The following RNF212B variants were observed in gnomAD, a reference collection of about 807,000 sequenced individuals.
RNF212B encodes ring finger protein 212B, also known as E3 ubiquitin-protein ligase RNF212B.
In RNF212B, 52 loss-of-function variants were observed where a neutral mutation model predicts 55.5. The ratio of observed to expected loss-of-function variants is 0.94; its 90% confidence interval spans 0.75 to 1.18. RNF212B has a LOEUF of 1.18. RNF212B is among the 50% of genes most tolerant of loss of function. RNF212B has a pLI of 0.00. For synonymous variants in RNF212B, 99 were observed against 121.4 expected, an observed-to-expected ratio of 0.82 and a Z score of 1.21; for missense variants, 289 against 350.4, an observed-to-expected ratio of 0.82 and a Z score of 1.40.
intron 1 of RNF212B, chr14:23,185,609 G>T (rs1877511943): frequency 6.6e-6 from 1 of 151,986 alleles, no homozygotes; most frequent in Admixed American, 6.6e-5. Context: ...AACTGATAAC[G>T]ATATGGTAAG....
At chr14:23,237,045 C>A (rs1161686744), upstream of RNF212B, among the ~76,000 whole-genome samples, 1 of 149,794 alleles carries the variant, frequency 6.7e-6, no homozygotes, top group South Asian at 2.1e-4. Flanking sequence ...CTAACTGCAG[C>A]CTCGACCCCG....
chr14:23,234,359 A>G (rs1882950465), upstream of RNF212B, among the ~76,000 whole-genome samples: 1 of 151,770 alleles, frequency 6.6e-6, no homozygotes, highest in Admixed American at 6.6e-5. Context: ...CAAATTTGTC[A>G]ATATTTTCTC....
chr14:23,235,312 T>C (rs1883023456), upstream of RNF212B, among the ~76,000 whole-genome samples: 1 of 152,074 alleles, frequency 6.6e-6, no homozygotes, highest in Non-Finnish European at 1.5e-5. Flanking sequence ...ATTGTGCCAC[T>C]AAACTCTAGC....
In RNF212B at chr14:23,204,899, C is replaced by T. The variant is rs142757254; in HGVS notation, c.-2+11498C>T. Among the ~76,000 whole-genome samples the T allele has an allele frequency of 4.0e-3, 615 of 152,212 alleles. 2 individuals are homozygous for T. The highest frequency in any genetic ancestry group is 0.014 in the African/African-American group (580 of 41,524). On this transcript the variant is annotated intron_variant, in intron 2 of 15. Coordinates refer to the RNF212B transcript ENST00000399910. ...TTCTGTCGTCTATGATTTCTCTCAGCAGTGTTTTGTACTTTTCCTTGTAGA... is the reference window on the plus strand; with the variant it reads ...TTCTGTCGTCTATGATTTCTCTCAGTAGTGTTTTGTACTTTTCCTTGTAGA...
chr14:23,251,991 T>C (rs920613081), intron 4 of RNF212B, among the ~76,000 whole-genome samples: 1 of 152,134 alleles, frequency 6.6e-6, no homozygotes, highest in African/African-American at 2.4e-5. Flanking sequence ...TCAGGAGTTG[T>C]TATGAACGTT....
At chr14:23,251,227 C>T (rs1884378425) in intron 4 of RNF212B, among the ~76,000 whole-genome samples, 1 of 148,472 alleles carries the variant, frequency 6.7e-6, no homozygotes, top group African/African-American at 2.6e-5. Flanking sequence ...AACCAGTTCT[C>T]TGACACCAAC....
intron 3 of RNF212B, among the ~76,000 whole-genome samples, chr14:23,244,069 ACT>A (rs1293517767): frequency 6.6e-6 from 1 of 151,654 alleles, no homozygotes; most frequent in African/African-American, 2.4e-5. Flanking sequence ...CAACAGCAAA[ACT>A]CTGTCTCAAA....
At chr14:23,206,766 A>T (rs1315265355) in intron 2 of RNF212B, among the ~76,000 whole-genome samples, 1 of 152,210 alleles carries the variant, frequency 6.6e-6, no homozygotes, top group Non-Finnish European at 1.5e-5. Context: ...GTCAAATTAA[A>T]CATAAAATTA....
chr14:23,264,685 A>G lies in RNF212B; in HGVS notation c.634+14A>G. On this transcript the variant is annotated intron_variant, in intron 11 of 14. Transcript: ENST00000430154. ...ACTCTTATAATGGTGAGGTGGGGGG[A>G]AAAGGGTGTCAGAAATCAACTTACT... 1 of 1,273,178 alleles carries G rather than the reference A, an allele frequency of 7.9e-7. No individual in the cohort carries two copies. The highest frequency in any genetic ancestry group is 1.0e-6 in the Non-Finnish European group (1 of 997,962). 78.9% of individuals were successfully genotyped at this position (1,273,178 alleles called of 1,614,324 possible).
chr14:23,234,927 A>G (rs1451276186), upstream of RNF212B, among the ~76,000 whole-genome samples: 4 of 152,066 alleles, frequency 2.6e-5, no homozygotes, highest in Non-Finnish European at 5.9e-5. Flanking sequence ...AATATTAAAA[A>G]TTAGGGCTGG....
intron 5 of RNF212B, among the ~76,000 whole-genome samples, chr14:23,259,150 C>T (rs2140469876): frequency 6.6e-6 from 1 of 151,884 alleles, no homozygotes; most frequent in Admixed American, 6.6e-5. Context: ...ATGATCACAC[C>T]ACGACACTCC....
intron 2 of RNF212B, among the ~76,000 whole-genome samples, chr14:23,228,838 A>C (rs556441046): frequency 6.6e-6 from 1 of 152,246 alleles, no homozygotes; most frequent in African/African-American, 2.4e-5. Flanking sequence ...ATATGTATAG[A>C]ACACTGATTT....
chr14:23,240,850 A>G (rs1883517447), intron 2 of RNF212B, among the ~76,000 whole-genome samples: 2 of 152,224 alleles, frequency 1.3e-5, no homozygotes, highest in Admixed American at 6.5e-5. Context: ...AGAAATGATG[A>G]TGATGATACC....
chr14:23,259,364 T>TTTTTC (rs1555319675), intron 5 of RNF212B: 7 of 93,128 alleles, frequency 7.5e-5, no homozygotes, highest in Non-Finnish European at 1.0e-4. Context: ...AATTTTTGTA[T>TTTTTC]TTTTTTTTTT....
At chr14:23,205,395 G>C (rs10151903) in intron 2 of RNF212B, among the ~76,000 whole-genome samples, 8,883 of 149,498 alleles carry the variant, frequency 0.059, 734 homozygotes, top group African/African-American at 0.19. Context: ...ACCTATTATT[G>C]AATTTAACTT....
chr14:23,234,497 G>C (rs577331928), upstream of RNF212B, among the ~76,000 whole-genome samples: 6 of 152,102 alleles, frequency 3.9e-5, no homozygotes, highest in Non-Finnish European at 8.8e-5. Flanking sequence ...CTGGTAAACA[G>C]TATGAGAAAC....
rs1469024731 is a variant in RNF212B, at chr14:23,270,607, G to A, written c.780G>A (p.Arg260=). Residue 260 remains arginine (R), a synonymous_variant, in exon 14 of 15, where the codon AGG becomes AGA. Transcript: ENST00000430154. ...RVLTPNNFAQ[R]ESTTTLESLP... ...TTCCATTCTATCCTTCAGCTCAGAG[G>A]GAGAGCACAACTACACTAGAGAGTC... The A allele has an allele frequency of 6.5e-7, 1 of 1,549,750 alleles. No individual in the cohort carries two copies. Among genetic ancestry groups the A allele is most frequent in the Non-Finnish European group, 8.7e-7 (1 of 1,145,938 alleles).
At chr14:23,250,047 CCT>C (rs1045402036) in intron 4 of RNF212B, among the ~76,000 whole-genome samples, 24 of 152,208 alleles carry the variant, frequency 1.6e-4, no homozygotes, top group African/African-American at 5.8e-4. Flanking sequence ...TACCATCTCA[CCT>C]CTCATGTACA....
At chr14:23,192,268 A>C (rs1025189775) in intron 1 of RNF212B, among the ~76,000 whole-genome samples, 1 of 152,200 alleles carries the variant, frequency 6.6e-6, no homozygotes, top group Non-Finnish European at 1.5e-5. Context: ...TCACAATAGC[A>C]AAGACTTGGA....
Sources: gnomAD v4.1 joint callset for allele counts (sites outside exome capture counted in the v4.1 genomes callset) on GRCh38, gnomAD v4.1.1 for gene constraint, MANE v1.5 for transcripts, NCBI Gene and HGNC (gene_info 2026-07-23, HGNC 2026-07-21) for gene names.